The following SNTB1 variants were observed in gnomAD, a reference collection of about 807,000 sequenced individuals.
SNTB1 encodes the protein beta-1-syntrophin.
Under a neutral mutation model 48.9 loss-of-function variants are expected in SNTB1, and 36 were observed. The observed-to-expected ratio is 0.74, with a 90% CI of 0.56 to 0.97. The LOEUF is 0.97. Ranked by LOEUF, SNTB1 falls within the 50% of genes least tolerant of loss-of-function variation. The probability of loss-of-function intolerance (pLI) is 0.00; values close to 1 mark genes in which losing one functional copy is unlikely to be tolerated. For missense variants in SNTB1, 786 were observed against 703.4 expected (o/e 1.12, Z -1.33); for synonymous variants, 299 against 294.6 (o/e 1.01, Z -0.15).
chr8:120,810,954 A>C (rs183206050), intron 1 of SNTB1, among the ~76,000 whole-genome samples: 1 of 152,206 alleles, frequency 6.6e-6, no homozygotes, highest in African/African-American at 2.4e-5. Flanking sequence ...TTATCCGCAG[A>C]TAAAAATGAA....
At chr8:120,646,376 G>A (rs1354488384) in intron 2 of SNTB1, among the ~76,000 whole-genome samples, 5 of 145,918 alleles carry the variant, frequency 3.4e-5, no homozygotes, top group African/African-American at 5.0e-5. Context: ...TAGCATGAAG[G>A]GTTGTTGAAT....
intron 1 of SNTB1, among the ~76,000 whole-genome samples, chr8:120,758,401 T>G (rs1788823994): frequency 6.6e-6 from 1 of 152,176 alleles, no homozygotes; most frequent in South Asian, 2.1e-4. Flanking sequence ...GAGACAGATT[T>G]CATTAAGGTG....
chr8:120,792,140 C>A (rs147373561), intron 1 of SNTB1, among the ~76,000 whole-genome samples: 1 of 151,508 alleles, frequency 6.6e-6, no homozygotes, highest in Non-Finnish European at 1.5e-5. Context: ...CATACATACA[C>A]CCACACACAC....
At chr8:120,610,449 C>A (rs1422822440) in intron 3 of SNTB1, among the ~76,000 whole-genome samples, 1 of 152,132 alleles carries the variant, frequency 6.6e-6, no homozygotes, top group African/African-American at 2.4e-5. Flanking sequence ...TTTGAAACTT[C>A]TTAACTGATT....
intron 2 of SNTB1, among the ~76,000 whole-genome samples, chr8:120,689,695 T>C (rs1419560353): frequency 6.6e-6 from 1 of 152,218 alleles, no homozygotes; most frequent in Non-Finnish European, 1.5e-5. Flanking sequence ...AATGTCAGTT[T>C]ATAGTTCCCT....
At chr8:120,543,597 A>T (rs1314271625) in intron 5 of SNTB1, among the ~76,000 whole-genome samples, 1 of 152,166 alleles carries the variant, frequency 6.6e-6, no homozygotes, top group Non-Finnish European at 1.5e-5. Flanking sequence ...GGCACTCAGG[A>T]CAAGGAGGGA....
At chr8:120,656,363 G>A (rs1438788345) in intron 2 of SNTB1, among the ~76,000 whole-genome samples, 1 of 152,196 alleles carries the variant, frequency 6.6e-6, no homozygotes, top group Non-Finnish European at 1.5e-5. Context: ...CAGTTTTTCA[G>A]TGACACATAC....
chr8:120,743,710 C>T (rs964260445), intron 1 of SNTB1, among the ~76,000 whole-genome samples: 3 of 152,186 alleles, frequency 2.0e-5, no homozygotes, highest in African/African-American at 7.2e-5. Context: ...ATCATTACAA[C>T]GTTGGCAGGT....
intron 2 of SNTB1, among the ~76,000 whole-genome samples, chr8:120,665,511 T>G (rs1256480836): frequency 6.6e-6 from 1 of 152,148 alleles, no homozygotes; most frequent in Non-Finnish European, 1.5e-5. Context: ...CAATACACAC[T>G]TAGCAAATAT....
At chr8:120,699,067 C>T (rs1031078184) in intron 1 of SNTB1, among the ~76,000 whole-genome samples, 2 of 152,184 alleles carry the variant, frequency 1.3e-5, no homozygotes, top group Non-Finnish European at 2.9e-5. Context: ...CTGAAGTTGT[C>T]AGGGACTCAG....
At chr8:120,547,765 G>A (rs1232593084) in intron 5 of SNTB1, among the ~76,000 whole-genome samples, 1 of 152,108 alleles carries the variant, frequency 6.6e-6, no homozygotes, top group Non-Finnish European at 1.5e-5. Flanking sequence ...AGCTCTGTGT[G>A]AATGTGGCCT....
intron 4 of SNTB1, among the ~76,000 whole-genome samples, chr8:120,555,044 G>A (rs925209440): frequency 6.6e-6 from 1 of 152,110 alleles, no homozygotes; most frequent in South Asian, 2.1e-4. Context: ...AATATTTATG[G>A]AGCACTGTTA....
At chr8:120,737,731 C>A (rs371747593) in intron 1 of SNTB1, among the ~76,000 whole-genome samples, 1 of 152,076 alleles carries the variant, frequency 6.6e-6, no homozygotes, top group East Asian at 1.9e-4. Flanking sequence ...GCAATGCAAA[C>A]CTCATTTCTT....
chr8:120,649,455 G>C (rs1294273396), intron 2 of SNTB1, among the ~76,000 whole-genome samples: 1 of 141,148 alleles, frequency 7.1e-6, no homozygotes, highest in Non-Finnish European at 1.5e-5. Flanking sequence ...CCCTGCTGGG[G>C]GGTGCCTCCC....
chr8:120,632,541 AG>A lies in SNTB1; in HGVS notation c.898del (p.Leu300CysfsTer2), dbSNP rs1283609571. Reference sequence around the variant, plus strand: ...GACCTCAGCAATCACTCGGGTCAGCAGGTCATTAACGTTGGAATGGATGGCA... The same window carrying A: ...GACCTCAGCAATCACTCGGGTCAGCAGTCATTAACGTTGGAATGGATGGCA... ...FSAIHSNVND[L>X]LTRVIAEVRE... On this transcript the variant is annotated frameshift_variant, in exon 3 of 7. Transcript: ENST00000517992. LOFTEE classifies it high-confidence loss of function. The A allele has an allele frequency of 6.2e-7, 1 of 1,614,038 alleles. No individual in the cohort carries two copies. Among genetic ancestry groups the A allele is most frequent in the East Asian group, 2.2e-5 (1 of 44,890 alleles).
intron 1 of SNTB1, among the ~76,000 whole-genome samples, chr8:120,700,165 G>A (rs955678865): frequency 6.6e-6 from 1 of 150,794 alleles, no homozygotes; most frequent in Non-Finnish European, 1.5e-5. Flanking sequence ...GCGTGTGTGT[G>A]TGTGTGTGTG....
intron 1 of SNTB1, among the ~76,000 whole-genome samples, chr8:120,696,074 TTCA>T (rs1453269855): frequency 2.6e-5 from 4 of 152,252 alleles, no homozygotes; most frequent in African/African-American, 7.2e-5. Flanking sequence ...CCTAAACTTT[TTCA>T]TCTGTGAAAC....
chr8:120,537,303 AT>A lies in SNTB1; in HGVS notation c.*1573del, dbSNP rs1815217618. 2.0e-5 allele frequency: 3 copies of A among 152,146 alleles called. No homozygotes were observed. Among genetic ancestry groups the A allele is most frequent in the Admixed American group, 2.0e-4 (3 of 15,272 alleles). The allele number at this position is 152,146 out of a possible 1,614,324, so 9.4% of individuals were successfully genotyped here. On this transcript the variant is annotated 3_prime_UTR_variant, in exon 7 of 7. Coordinates refer to ENST00000517992, the MANE Select transcript of SNTB1 (RefSeq NM_021021.4). ...CTTCAAGGAGGCAATCGTGAAATCT[AT>A]TTAACATTTTTCAGCTCAGTATTTA... is the stretch of plus-strand genomic sequence containing the variant.
chr8:120,743,320 G>T (rs190672616), intron 1 of SNTB1, among the ~76,000 whole-genome samples: 1 of 152,306 alleles, frequency 6.6e-6, no homozygotes, highest in African/African-American at 2.4e-5. Flanking sequence ...TCAGGAAATT[G>T]CACGTAGCAC....
Sources: gnomAD v4.1 joint callset for allele counts (sites outside exome capture counted in the v4.1 genomes callset) on GRCh38, gnomAD v4.1.1 for gene constraint, MANE v1.5 for transcripts, NCBI Gene and HGNC (gene_info 2026-07-23, HGNC 2026-07-21) for gene names.